Variants in TET2 observed in about 807,000 individuals in gnomAD.
TET2 encodes tet methylcytosine dioxygenase 2.
TET2 carries 299 observed loss-of-function variants against 142.9 expected under a neutral mutation model. The observed-to-expected ratio is 2.09, with a 90% CI of 1.90 to 2.30. The LOEUF is 2.30. TET2 is among the 30% of genes most tolerant of loss of function. TET2 has a pLI of 0.00. For synonymous variants in TET2, 819 were observed against 849.0 expected, an observed-to-expected ratio of 0.96 and a Z score of 0.61; for missense variants, 2,418 against 2,378.0, an observed-to-expected ratio of 1.02 and a Z score of -0.35.
intron 2 of TET2, among the ~76,000 whole-genome samples, chr4:105,215,428 T>C (rs539610522): frequency 5.3e-5 from 8 of 152,318 alleles, no homozygotes; most frequent in African/African-American, 1.7e-4. Context: ...ATTTGACTTA[T>C]ATTTATTACC....
chr4:105,239,732 A>T, intron 3 of TET2: 1 of 230,750 alleles, frequency 4.3e-6, no homozygotes, highest in Non-Finnish European at 8.7e-6. Flanking sequence ...TCCTTCAAGA[A>T]TTTTTCCTTT....
At chr4:105,206,112 GTTAGTGC>G (rs1335645183) in intron 2 of TET2, among the ~76,000 whole-genome samples, 1 of 152,152 alleles carries the variant, frequency 6.6e-6, no homozygotes, top group East Asian at 1.9e-4. Context: ...GATTTTCTTT[GTTAGTGC>G]TTCAGCCCAT....
intron 6 of TET2, among the ~76,000 whole-genome samples, chr4:105,248,914 G>T (rs74686727): frequency 6.6e-6 from 1 of 150,854 alleles, no homozygotes; most frequent in Non-Finnish European, 1.5e-5. Context: ...CATGTATTTG[G>T]CCTTTCTCTC....
intron 8 of TET2, among the ~76,000 whole-genome samples, chr4:105,268,730 G>A (rs565982880): frequency 2.6e-5 from 4 of 152,218 alleles, no homozygotes; most frequent in East Asian, 1.9e-4. Flanking sequence ...CAGCACTTTC[G>A]GAGGCCGAGG....
rs1560573273 is a variant in TET2, at chr4:105,275,349, T to C, written c.4839T>C (p.Asn1613=). The change falls in exon 11 of 11, where the codon AAT becomes AAC. Residue 1613 remains asparagine, a synonymous_variant. Transcript: ENST00000380013. ...CAGGTTCATATTTGAATTCTTCTAA[T>C]CCCATGAACCCTTACCCTGGGCTTT... ...QAAGSYLNSS[N]PMNPYPGLLN... is the part of the protein sequence containing the mutation. 6.4e-7 allele frequency: 1 copy of C among 1,551,642 alleles called. No individual in the cohort carries two copies.
intron 2 of TET2, among the ~76,000 whole-genome samples, chr4:105,217,288 G>A (rs1215355769): frequency 6.6e-6 from 1 of 152,034 alleles, no homozygotes; most frequent in Non-Finnish European, 1.5e-5. Context: ...GAAGAAGATA[G>A]TTTAGTTTTT....
chr4:105,205,594 TTATAA>T (rs764291387), intron 2 of TET2, among the ~76,000 whole-genome samples: 6 of 152,186 alleles, frequency 3.9e-5, no homozygotes, highest in Admixed American at 2.0e-4. Flanking sequence ...ACCCACAAAA[TTATAA>T]TATAATTTTC....
intron 2 of TET2, among the ~76,000 whole-genome samples, chr4:105,222,812 T>C (rs972882485): frequency 2.0e-5 from 3 of 151,388 alleles, no homozygotes; most frequent in African/African-American, 7.3e-5. Context: ...GTGAATGGTG[T>C]TGCCTAGGTT....
In TET2 at chr4:105,163,854, A is replaced by AGAGAGTGT. The variant is rs1553942671; in HGVS notation, c.-193+16876_-193+16877insAGAGTGTG. Among the ~76,000 whole-genome samples, 191 of 85,196 alleles carry AGAGAGTGT rather than the reference A, an allele frequency of 2.2e-3. 1 individual carries two copies. Among genetic ancestry groups the AGAGAGTGT allele is most frequent in the Non-Finnish European group, 3.8e-3 (158 of 41,560 alleles). 55.9% of individuals were successfully genotyped at this position (85,196 alleles called of 152,430 possible). On this transcript the variant is annotated intron_variant, in intron 1 of 10. Coordinates refer to ENST00000380013, the MANE Select transcript of TET2 (RefSeq NM_001127208.3). Reference sequence around the variant, plus strand: ...GAGAGAGAGAGAGAGAGAGAGAGAGAGTGTGTGTGTGTGTGTGTGTGTGTG... The same window carrying AGAGAGTGT: ...GAGAGAGAGAGAGAGAGAGAGAGAGAGAGAGTGTGTGTGTGTGTGTGTGTGTGTGTGTG...
intron 2 of TET2, among the ~76,000 whole-genome samples, chr4:105,205,092 C>T (rs899545802): frequency 1.3e-5 from 2 of 152,038 alleles, no homozygotes; most frequent in African/African-American, 4.8e-5. Context: ...ATAGCCAATG[C>T]ATTTTGAGAG....
rs906110723 is a variant in TET2, at chr4:105,230,233, G to C, written c.-46-3664G>C. On this transcript the variant is annotated intron_variant, in intron 2 of 10. Transcript: ENST00000380013. ...ATTTTTGTATCTTTTTAGGAGAGAC[G>C]GGATTTCACCATGTTGGCCAGGTTG... 2.0e-5 allele frequency among the ~76,000 whole-genome samples: 3 copies of C among 152,184 alleles called. No individual in the cohort carries two copies. In the East Asian group the frequency reaches 5.8e-4, roughly 29 times the overall value.
At chr4:105,217,460 C>T (rs1017058834) in intron 2 of TET2, among the ~76,000 whole-genome samples, 1 of 151,972 alleles carries the variant, frequency 6.6e-6, no homozygotes, top group Non-Finnish European at 1.5e-5. Flanking sequence ...ATTAAAATTA[C>T]ATAAGATATC....
At chr4:105,266,160 A>G (rs1267888476) in intron 8 of TET2, among the ~76,000 whole-genome samples, 1 of 152,212 alleles carries the variant, frequency 6.6e-6, no homozygotes, top group Non-Finnish European at 1.5e-5. Context: ...GATCTCACAC[A>G]GGACCTGGAA....
At chr4:105,147,296 A>T (rs1407376062) in intron 1 of TET2, among the ~76,000 whole-genome samples, 1 of 152,148 alleles carries the variant, frequency 6.6e-6, no homozygotes, top group Non-Finnish European at 1.5e-5. Flanking sequence ...CAGAAAAGTG[A>T]TTTTTAAATT....
intron 2 of TET2, 124 bp from the exon 3 acceptor site, chr4:105,233,773 G>A (rs1173139228): frequency 7.2e-6 from 4 of 552,512 alleles, no homozygotes; most frequent in Non-Finnish European, 9.2e-6. Flanking sequence ...ATATCAGTTT[G>A]CTATGTCTAG....
At chr4:105,158,433 G>C (rs1428847976) in intron 1 of TET2, among the ~76,000 whole-genome samples, 1 of 152,114 alleles carries the variant, frequency 6.6e-6, no homozygotes, top group African/African-American at 2.4e-5. Flanking sequence ...AAGATATAAT[G>C]AATGTAGATG....
chr4:105,152,075 C>T (rs1285674192), intron 1 of TET2, among the ~76,000 whole-genome samples: 7 of 151,856 alleles, frequency 4.6e-5, no homozygotes, highest in African/African-American at 1.2e-4. Flanking sequence ...GTCAGGAATT[C>T]GAGACCAGTC....
Position 105,259,789 on chromosome 4 carries a change from T to G in TET2, c.3954+20T>G. ...AAAGAGGTTTGTTTACTTCCTGATG[T>G]ATAATCGCTTTATTTTTCATAGAGA... On this transcript the variant is annotated intron_variant, in intron 7 of 10. Coordinates refer to ENST00000380013, the MANE Select transcript of TET2 (RefSeq NM_001127208.3). The G allele has an allele frequency of 6.5e-7, 1 of 1,544,712 alleles. No individual in the cohort carries two copies. Among genetic ancestry groups the G allele is most frequent in the East Asian group, 2.4e-5 (1 of 40,844 alleles).
chr4:105,259,017 C>T (rs1260646000), intron 6 of TET2, among the ~76,000 whole-genome samples: 1 of 152,052 alleles, frequency 6.6e-6, no homozygotes, highest in Non-Finnish European at 1.5e-5. Context: ...ATATCCCAAA[C>T]ATAATGGAAA....
Sources: allele counts gnomAD v4.1 joint callset (sites outside exome capture counted in the v4.1 genomes callset), GRCh38; gene constraint gnomAD v4.1.1; transcripts MANE v1.5; gene names NCBI Gene and HGNC (gene_info 2026-07-23, HGNC 2026-07-21).